The following MYOCD variants were observed in gnomAD, a reference collection of about 807,000 sequenced individuals.
MYOCD encodes myocardin.
Under a neutral mutation model 96.1 loss-of-function variants are expected in MYOCD, and 32 were observed. That is an observed-to-expected ratio of 0.33 (90% CI 0.25 to 0.45). The LOEUF (loss-of-function observed/expected upper bound fraction) is 0.45. MYOCD is among the 20% of genes least tolerant of loss of function. The probability of loss-of-function intolerance (pLI) is 1.00; values close to 1 mark genes in which losing one functional copy is unlikely to be tolerated. For synonymous variants in MYOCD, 469 were observed against 469.0 expected, an observed-to-expected ratio of 1.00 and a Z score of 0.00; for missense variants, 1,133 against 1,200.6, an observed-to-expected ratio of 0.94 and a Z score of 0.83.
intron 5 of MYOCD, among the ~76,000 whole-genome samples, chr17:12,731,064 T>C (rs553286812): frequency 2.0e-5 from 3 of 152,282 alleles, no homozygotes; most frequent in Admixed American, 1.3e-4. Flanking sequence ...CAGAGGATGA[T>C]GTCAGGGCTT....
intron 3 of MYOCD, among the ~76,000 whole-genome samples, chr17:12,716,450 A>T (rs2031643085): frequency 6.6e-6 from 1 of 152,220 alleles, no homozygotes; most frequent in South Asian, 2.1e-4. Flanking sequence ...GCCCTCCCAC[A>T]GCCTGTAACA....
At chr17:12,735,104 T>C (rs1301021023) in intron 5 of MYOCD, among the ~76,000 whole-genome samples, 1 of 152,230 alleles carries the variant, frequency 6.6e-6, no homozygotes, top group Admixed American at 6.5e-5. Flanking sequence ...TACTTCCAGC[T>C]CCTCGTTGCC....
At chr17:12,736,460 G>A (rs2032349268) in intron 6 of MYOCD, 124 bp downstream of exon 6, 1 of 994,898 alleles carries the variant, frequency 1.0e-6, no homozygotes, top group Non-Finnish European at 1.5e-6. Flanking sequence ...GTCCCTGGCT[G>A]CCACAGCATT....
chr17:12,759,981 G>C (rs1159743934), intron 12 of MYOCD, among the ~76,000 whole-genome samples: 1 of 152,138 alleles, frequency 6.6e-6, no homozygotes, highest in Admixed American at 6.5e-5. Flanking sequence ...TCATTCAGTA[G>C]ATTATCTGCC....
intron 1 of MYOCD, among the ~76,000 whole-genome samples, chr17:12,685,285 G>A (rs773869970): frequency 5.3e-5 from 8 of 151,310 alleles, no homozygotes; most frequent in Admixed American, 2.6e-4. Flanking sequence ...GGGTGACAGC[G>A]TAAGACCCTG....
At chr17:12,710,339 G>A (rs1474138484) in intron 2 of MYOCD, among the ~76,000 whole-genome samples, 5 of 152,288 alleles carry the variant, frequency 3.3e-5, no homozygotes, top group Non-Finnish European at 4.4e-5. Flanking sequence ...CACGGGGCCC[G>A]GGGAGGCTGC....
intron 2 of MYOCD, among the ~76,000 whole-genome samples, chr17:12,714,323 G>GCACACACACACACA (rs4054959): frequency 0.078 from 10,667 of 135,902 alleles, 492 homozygotes; most frequent in South Asian, 0.1. Context: ...TGAGGCACGT[G>GCACACACACACACA]CACACACACA....
chr17:12,758,317 T>A, intron 12 of MYOCD, 104 bp downstream of exon 12: 1 of 1,540,538 alleles, frequency 6.5e-7, no homozygotes, highest in South Asian at 1.2e-5. Flanking sequence ...TGATATTGAG[T>A]GTGTCATGTG....
intron 1 of MYOCD, among the ~76,000 whole-genome samples, chr17:12,682,252 A>G (rs1910513318): frequency 6.6e-6 from 1 of 152,218 alleles, no homozygotes; most frequent in African/African-American, 2.4e-5. Context: ...ATGCCAGGCA[A>G]AGGAAAGAAT....
In MYOCD at chr17:12,741,949, C is replaced by A. The variant is rs568046278; in HGVS notation, c.718-2234C>A. 1.2e-3 allele frequency among the ~76,000 whole-genome samples: 179 copies of A among 152,106 alleles called. 1 individual carries two copies. Among genetic ancestry groups the A allele is most frequent in the African/African-American group, 4.0e-3 (168 of 41,482 alleles). On this transcript the variant is annotated intron_variant, in intron 7 of 13. Coordinates refer to ENST00000425538, the MANE Select transcript of MYOCD (RefSeq NM_001146312.3). ...AAGAGAATAGTAATAGTAGCCTTTA[C>A]CCCAGACTATCCAGAGTAAATGGTC...
At chr17:12,718,209 T>C (rs982659492) in intron 4 of MYOCD, among the ~76,000 whole-genome samples, 2 of 152,194 alleles carry the variant, frequency 1.3e-5, no homozygotes, top group Admixed American at 1.3e-4. Flanking sequence ...TCAGAGGGTC[T>C]CACAGTATAA....
At chr17:12,678,137 C>T (rs192598238) in intron 1 of MYOCD, among the ~76,000 whole-genome samples, 15 of 151,830 alleles carry the variant, frequency 9.9e-5, no homozygotes, top group Admixed American at 2.6e-4. Context: ...GTGATTTGCC[C>T]GCCTCAGCCT....
At chr17:12,759,443 C>G (rs1185263780) in intron 12 of MYOCD, among the ~76,000 whole-genome samples, 1 of 152,152 alleles carries the variant, frequency 6.6e-6, no homozygotes, top group Non-Finnish European at 1.5e-5. Context: ...CCTGCCAGAC[C>G]CTTAGGCATC....
chr17:12,745,313 G>A (rs1046054824), intron 8 of MYOCD, among the ~76,000 whole-genome samples: 6 of 152,062 alleles, frequency 3.9e-5, no homozygotes, highest in Admixed American at 2.0e-4. Context: ...AGGTTCAAGC[G>A]ATTCTCCTGC....
At chr17:12,692,113 TC>T (rs1409394810) in intron 1 of MYOCD, among the ~76,000 whole-genome samples, 1 of 152,228 alleles carries the variant, frequency 6.6e-6, no homozygotes, top group African/African-American at 2.4e-5. Flanking sequence ...TTGTGCCTTT[TC>T]CATCTCACTC....
chr17:12,752,742 A>G lies in MYOCD; in HGVS notation c.1454A>G (p.His485Arg). The G allele has an allele frequency of 6.2e-7, 1 of 1,613,970 alleles. No homozygotes were observed. Among genetic ancestry groups the G allele is most frequent in the Non-Finnish European group, 8.5e-7 (1 of 1,179,984 alleles). ...GATGCCTCCCCCTCCTTCGGCCTGC[A>G]CCCGTCCCCAGTCCACGTGTGCACG... ...FNDASPSFGLHPSPVHVCTEE... is the reference protein window; with the variant it reads ...FNDASPSFGLRPSPVHVCTEE... Residue 485 changes from histidine (H) to arginine (R), a missense_variant, in exon 10 of 14, where the codon CAC becomes CGC. Physicochemically the swap from His to Arg is conservative, Grantham distance 29 (BLOSUM62 0). Transcript: ENST00000425538.
intron 1 of MYOCD, among the ~76,000 whole-genome samples, chr17:12,685,571 A>C (rs904384780): frequency 7.9e-5 from 12 of 151,168 alleles, no homozygotes; most frequent in Non-Finnish European, 1.3e-4. Context: ...ATGCCACTGC[A>C]CTCCAAGCCT....
intron 9 of MYOCD, among the ~76,000 whole-genome samples, chr17:12,751,171 CG>C (rs1189514157): frequency 6.6e-6 from 1 of 151,796 alleles, no homozygotes; most frequent in Non-Finnish European, 1.5e-5. Flanking sequence ...TAATTACAAA[CG>C]TAATACGTTT....
Position 12,704,708 on chromosome 17 carries a change from G to A in MYOCD, c.56-420G>A, listed in dbSNP as rs553590463. ...GGAAACTGAGGGTCAGAGAGGTTAAGCAACTTGCTTAGGGATACACAGCTA... is the reference window on the plus strand; with the variant it reads ...GGAAACTGAGGGTCAGAGAGGTTAAACAACTTGCTTAGGGATACACAGCTA... On this transcript the variant is annotated intron_variant, in intron 1 of 13. Transcript: ENST00000425538. Among the ~76,000 whole-genome samples the A allele has an allele frequency of 5.3e-5, 8 of 152,312 alleles. No individual in the cohort carries two copies. In the South Asian group the frequency reaches 1.5e-3, roughly 28 times the overall value.
Sources: allele counts gnomAD v4.1 joint callset (sites outside exome capture counted in the v4.1 genomes callset), GRCh38; gene constraint gnomAD v4.1.1; transcripts MANE v1.5; gene names NCBI Gene and HGNC (gene_info 2026-07-23, HGNC 2026-07-21).